PARD3B: variants seen among roughly 807,000 people sequenced by gnomAD.
The protein encoded by PARD3B is partitioning defective 3 homolog B.
In PARD3B, 103 loss-of-function variants were observed where a neutral mutation model predicts 130.2. The ratio of observed to expected loss-of-function variants is 0.79; its 90% CI spans 0.67 to 0.93. PARD3B has a LOEUF of 0.93. Among genes scored for constraint, PARD3B ranks in the 40% least tolerant of loss-of-function variants. The pLI is 0.00. For missense variants in PARD3B, 1,609 were observed against 1,499.2 expected, an observed-to-expected ratio of 1.07 and a Z score of -1.21; for synonymous variants, 583 against 553.2, an observed-to-expected ratio of 1.05 and a Z score of -0.76.
At chr2:205,384,719 T>G (rs993588732) in intron 18 of PARD3B, among the ~76,000 whole-genome samples, 1 of 152,104 alleles carries the variant, frequency 6.6e-6, no homozygotes, top group Non-Finnish European at 1.5e-5. Flanking sequence ...ACATAGTCTT[T>G]TGGGAATCTG....
chr2:204,922,054 C>T (rs1391528908), intron 2 of PARD3B, among the ~76,000 whole-genome samples: 1 of 151,982 alleles, frequency 6.6e-6, no homozygotes, highest in Non-Finnish European at 1.5e-5. Context: ...GTGAGAAGAC[C>T]AGCAGAAGTA....
chr2:205,328,356 A>G (rs1416183011), intron 18 of PARD3B, among the ~76,000 whole-genome samples: 1 of 152,072 alleles, frequency 6.6e-6, no homozygotes, highest in Non-Finnish European at 1.5e-5. Context: ...ACAATTTGCA[A>G]TTTTCAGTTG....
chr2:204,756,037 A>G (rs375133358), intron 2 of PARD3B, among the ~76,000 whole-genome samples: 17 of 152,236 alleles, frequency 1.1e-4, no homozygotes, highest in African/African-American at 1.9e-4. Context: ...TTCCTAATCA[A>G]TAGTATACGT....
At chr2:205,395,293 A>G (rs1267621905) in intron 18 of PARD3B, among the ~76,000 whole-genome samples, 2 of 152,242 alleles carry the variant, frequency 1.3e-5, no homozygotes, top group Non-Finnish European at 2.9e-5. Flanking sequence ...TGCCAAGGCT[A>G]TGAATGACTT....
chr2:204,984,288 T>A (rs925059288), intron 3 of PARD3B, among the ~76,000 whole-genome samples: 1 of 152,150 alleles, frequency 6.6e-6, no homozygotes, highest in African/African-American at 2.4e-5. Flanking sequence ...TTCAATCTTC[T>A]CAATAGTCAG....
At chr2:204,681,973 A>G (rs987056898) in intron 1 of PARD3B, among the ~76,000 whole-genome samples, 4 of 152,130 alleles carry the variant, frequency 2.6e-5, no homozygotes, top group Non-Finnish European at 5.9e-5. Flanking sequence ...TGAAGATTAT[A>G]TTTTGAAGGT....
chr2:205,423,252 G>C (rs530685000), intron 19 of PARD3B, among the ~76,000 whole-genome samples: 37 of 152,314 alleles, frequency 2.4e-4, no homozygotes, highest in African/African-American at 7.9e-4. Flanking sequence ...ATGCGGTAGA[G>C]GGAGGAAGAC....
At chr2:204,680,015 G>T (rs2036749964) in intron 1 of PARD3B, among the ~76,000 whole-genome samples, 1 of 151,840 alleles carries the variant, frequency 6.6e-6, no homozygotes, top group Admixed American at 6.6e-5. Context: ...GAGAGACTGG[G>T]ATATTATTTT....
chr2:204,639,184 A>G (rs1271316549), intron 1 of PARD3B, among the ~76,000 whole-genome samples: 1 of 152,220 alleles, frequency 6.6e-6, no homozygotes, highest in Non-Finnish European at 1.5e-5. Flanking sequence ...GAAGGACAAC[A>G]TTCCAAATAT....
chr2:205,556,153 G>A (rs1042239157), intron 22 of PARD3B, among the ~76,000 whole-genome samples: 22 of 152,132 alleles, frequency 1.4e-4, no homozygotes, highest in African/African-American at 4.8e-4. Context: ...CACAGAGGCC[G>A]GGAGCTTTGA....
intron 2 of PARD3B, among the ~76,000 whole-genome samples, chr2:204,868,494 A>T (rs1177698089): frequency 6.6e-6 from 1 of 152,142 alleles, no homozygotes; most frequent in Non-Finnish European, 1.5e-5. Flanking sequence ...TAGTTGTAGA[A>T]TTTTAAAACT....
chr2:205,576,110 T>C (rs1322990737), intron 22 of PARD3B, among the ~76,000 whole-genome samples: 2 of 152,136 alleles, frequency 1.3e-5, no homozygotes, highest in African/African-American at 2.4e-5. Flanking sequence ...TTAATTTGCA[T>C]TTCCTTGATG....
At chr2:204,787,004 GAT>G (rs1225866610) in intron 2 of PARD3B, among the ~76,000 whole-genome samples, 2 of 152,030 alleles carry the variant, frequency 1.3e-5, no homozygotes, top group Admixed American at 1.3e-4. Context: ...TTAGAGTCTA[GAT>G]CAACAACACG....
intron 18 of PARD3B, among the ~76,000 whole-genome samples, chr2:205,391,380 A>G (rs748578484): frequency 4.6e-5 from 7 of 152,204 alleles, no homozygotes; most frequent in African/African-American, 7.2e-5. Flanking sequence ...TATTTACTCA[A>G]CCAGCCTTCA....
At position 204,745,473 on chromosome 2, in the gene PARD3B, G is replaced by C. The variant is rs183095672; in HGVS notation, c.222+59191G>C. On this transcript the variant is annotated intron_variant, in intron 2 of 22. Transcript: ENST00000406610. ...GCTGGAGTGCAACTGTGCGATCTCG[G>C]CTCACTGCAACCTCTACCTCCCGGA... is the stretch of plus-strand genomic sequence containing the variant. Among the ~76,000 whole-genome samples, 38 of 151,464 alleles carry C rather than the reference G, an allele frequency of 2.5e-4. 1 individual carries two copies. In the East Asian group the frequency reaches 7.4e-3, roughly 29 times the overall value.
In PARD3B at chr2:205,609,731, T is replaced by C. The variant is rs182187015; in HGVS notation, c.3261-5725T>C. Among the ~76,000 whole-genome samples, 9 of 152,354 alleles carry C rather than the reference T, an allele frequency of 5.9e-5. No individual in the cohort carries two copies. The East Asian group carries it at 1.7e-3, about 29-fold the overall frequency. Reference sequence around the variant, plus strand: ...TCTTCATGGTTTTTATACTTTCTGCTGCATATCTTATTTCTTCACATACTA... The same window carrying C: ...TCTTCATGGTTTTTATACTTTCTGCCGCATATCTTATTTCTTCACATACTA... On this transcript the variant is annotated intron_variant, in intron 22 of 22. Transcript: ENST00000406610.
At chr2:205,003,977 G>T (rs554401313) in intron 3 of PARD3B, among the ~76,000 whole-genome samples, 1 of 152,126 alleles carries the variant, frequency 6.6e-6, no homozygotes. Context: ...TACAAAGTGG[G>T]GTCTGGGGCA....
intron 21 of PARD3B, among the ~76,000 whole-genome samples, chr2:205,517,416 G>A (rs2050836337): frequency 6.6e-6 from 1 of 152,152 alleles, no homozygotes; most frequent in Non-Finnish European, 1.5e-5. Context: ...TGTGGGGTCA[G>A]TGCTAATATT....
At chr2:205,063,983 C>G (rs1326817057) in intron 4 of PARD3B, among the ~76,000 whole-genome samples, 1 of 151,944 alleles carries the variant, frequency 6.6e-6, no homozygotes, top group Non-Finnish European at 1.5e-5. Context: ...AGAATAAGAC[C>G]AGTTTCTATA....
Sources: gnomAD v4.1 joint callset for allele counts (sites outside exome capture counted in the v4.1 genomes callset) on GRCh38, gnomAD v4.1.1 for gene constraint, MANE v1.5 for transcripts, NCBI Gene and HGNC (gene_info 2026-07-23, HGNC 2026-07-21) for gene names.